Variants in TENM2 observed in about 807,000 individuals in gnomAD.
TENM2 encodes teneurin transmembrane protein 2, also known as teneurin-2.
A neutral mutation model predicts 245.2 loss-of-function variants in TENM2; 52 were observed. The ratio of observed to expected loss-of-function variants is 0.21; its 90% CI spans 0.17 to 0.27. The LOEUF (loss-of-function observed/expected upper bound fraction) is 0.27. Among genes scored for constraint, TENM2 ranks in the 10% least tolerant of loss-of-function variants. The pLI, the probability that TENM2 is intolerant of heterozygous loss-of-function variation, is 1.00. For synonymous variants in TENM2, 1,363 were observed against 1,438.9 expected (o/e 0.95, Z 1.19); for missense variants, 3,046 against 3,666.8 (o/e 0.83, Z 4.37).
exon 21 of TENM2, chr5:168,215,172 G>T (rs769782284): frequency 1.9e-6 from 3 of 1,613,890 alleles, no homozygotes; most frequent in Non-Finnish European, 2.5e-6. Flanking sequence ...CTGGGAATTC[G>T]GAAGTTGTGG....
intron 2 of TENM2, among the ~76,000 whole-genome samples, chr5:167,787,017 A>C (rs1764624205): frequency 6.6e-6 from 1 of 152,248 alleles, no homozygotes; most frequent in African/African-American, 2.4e-5. Flanking sequence ...AATACCAGAC[A>C]CTTGACAACA....
the TENM2 span, among the ~76,000 whole-genome samples, chr5:167,096,577 T>C: frequency 6.6e-6 from 1 of 152,188 alleles, no homozygotes; most frequent in Non-Finnish European, 1.5e-5. Flanking sequence ...ACTCTAAACA[T>C]CTGACCAGCC....
chr5:167,258,198 CATATAT>C, the TENM2 span, among the ~76,000 whole-genome samples: 3 of 141,868 alleles, frequency 2.1e-5, no homozygotes, highest in African/African-American at 8.0e-5. Flanking sequence ...AATGTGTTGC[CATATAT>C]ATATATATAT....
chr5:167,324,829 T>G (rs1756990165), intron 1 of TENM2, among the ~76,000 whole-genome samples: 1 of 152,148 alleles, frequency 6.6e-6, no homozygotes, highest in East Asian at 1.9e-4. Flanking sequence ...AAATGATTTA[T>G]AGGAAAAAAG....
intron 2 of TENM2, among the ~76,000 whole-genome samples, chr5:167,624,786 C>T (rs1240926872): frequency 6.6e-6 from 1 of 152,102 alleles, no homozygotes; most frequent in African/African-American, 2.4e-5. Context: ...GTTCTTTTAA[C>T]TTAAGGCTTC....
chr5:167,292,893 G>T (rs1754721255), intron 1 of TENM2, among the ~76,000 whole-genome samples: 1 of 152,198 alleles, frequency 6.6e-6, no homozygotes, highest in Non-Finnish European at 1.5e-5. Flanking sequence ...ATGGGGAGGA[G>T]GTTGGACAAT....
chr5:168,110,477 A>T (rs1254380074), intron 9 of TENM2, among the ~76,000 whole-genome samples: 1 of 152,222 alleles, frequency 6.6e-6, no homozygotes, highest in Non-Finnish European at 1.5e-5. Flanking sequence ...AAGTGTCCAT[A>T]GTCACACAGC....
the TENM2 span, among the ~76,000 whole-genome samples, chr5:167,195,643 C>A: frequency 6.6e-6 from 1 of 151,832 alleles, no homozygotes; most frequent in South Asian, 2.1e-4. Flanking sequence ...AGTTACAATA[C>A]CAGGCTGCAG....
chr5:168,025,304 G>A (rs2151927951), intron 5 of TENM2, among the ~76,000 whole-genome samples: 1 of 152,324 alleles, frequency 6.6e-6, no homozygotes, highest in South Asian at 2.1e-4. Flanking sequence ...CATGCTAATG[G>A]CATGATTTGT....
At chr5:168,098,046 C>T (rs778632973) in exon 9 of TENM2, 26 of 1,613,088 alleles carry the variant, frequency 1.6e-5, no homozygotes, top group African/African-American at 4.0e-5. Flanking sequence ...GGACTGTCCA[C>T]GTAACTGCCA....
intron 1 of TENM2, among the ~76,000 whole-genome samples, chr5:167,367,625 G>A (rs2127288218): frequency 6.6e-6 from 1 of 152,174 alleles, no homozygotes; most frequent in African/African-American, 2.4e-5. Flanking sequence ...CATTAAATAT[G>A]TAAATATGTA....
intron 2 of TENM2, among the ~76,000 whole-genome samples, chr5:167,661,716 G>A (rs760960658): frequency 1.1e-4 from 16 of 151,716 alleles, no homozygotes; most frequent in Admixed American, 3.9e-4. Context: ...CTTCACCTCC[G>A]AGCGCAGGGG....
intron 2 of TENM2, among the ~76,000 whole-genome samples, chr5:167,555,619 C>T (rs1368829060): frequency 1.3e-5 from 2 of 152,008 alleles, no homozygotes; most frequent in Admixed American, 6.6e-5. Context: ...CCTGTAGGAA[C>T]GAGGGGAAAA....
the TENM2 span, among the ~76,000 whole-genome samples, chr5:167,141,676 A>G: frequency 1.3e-5 from 2 of 152,142 alleles, no homozygotes; most frequent in Non-Finnish European, 2.9e-5. Context: ...CTTTCCTTCA[A>G]TGTTTGAACA....
At chr5:167,618,446 G>C (rs905049717) in intron 2 of TENM2, among the ~76,000 whole-genome samples, 4 of 152,040 alleles carry the variant, frequency 2.6e-5, no homozygotes, top group African/African-American at 9.7e-5. Flanking sequence ...GCTTCTTCCT[G>C]GACCTGCTTC....
At chr5:167,891,075 C>T (rs561624838) in intron 3 of TENM2, among the ~76,000 whole-genome samples, 1 of 152,074 alleles carries the variant, frequency 6.6e-6, no homozygotes. Context: ...TCTTAATGTA[C>T]TCTATGTTTT....
At chr5:167,249,545 G>C in the TENM2 span, among the ~76,000 whole-genome samples, 1 of 152,046 alleles carries the variant, frequency 6.6e-6, no homozygotes, top group Non-Finnish European at 1.5e-5. Flanking sequence ...CTCTGTGCCA[G>C]GCACTGACTG....
chr5:167,916,672 G>C (rs1189437561), intron 3 of TENM2, among the ~76,000 whole-genome samples: 1 of 152,162 alleles, frequency 6.6e-6, no homozygotes, highest in African/African-American at 2.4e-5. Context: ...GAAAGGCTGA[G>C]ACGCCTGTGA....
chr5:167,251,478 C>T, the TENM2 span, among the ~76,000 whole-genome samples: 65 of 152,202 alleles, frequency 4.3e-4, no homozygotes, highest in African/African-American at 1.5e-3. Context: ...GTGTCCTTCA[C>T]TCACTTGGAA....
Sources: allele counts gnomAD v4.1 joint callset (sites outside exome capture counted in the v4.1 genomes callset), GRCh38; gene constraint gnomAD v4.1.1; transcripts MANE v1.5; gene names NCBI Gene and HGNC (gene_info 2026-07-23, HGNC 2026-07-21).